FGF6: variants seen among roughly 807,000 people sequenced by gnomAD.
FGF6 encodes FGF-6.
A neutral mutation model predicts 18.4 loss-of-function variants in FGF6; 14 were observed. The observed-to-expected ratio is 0.76, with a 90% CI of 0.50 to 1.19. The LOEUF is 1.19. FGF6 is among the 50% of genes most tolerant of loss of function. FGF6 has a pLI of 0.00. For synonymous variants in FGF6, 125 were observed against 116.7 expected (o/e 1.07, Z -0.46); for missense variants, 266 against 271.6 (o/e 0.98, Z 0.15).
Position 4,445,265 on chromosome 12 carries a change from G to A in FGF6, c.306C>T (p.Pro102=), listed in dbSNP as rs765855786. The A allele has an allele frequency of 6.2e-6, 10 of 1,613,608 alleles. No individual in the cohort carries two copies. The highest frequency in any genetic ancestry group is 2.7e-5 in the African/African-American group (2 of 74,906). The change falls in exon 1 of 3, where the codon CCC becomes CCT. Residue 102 remains proline, a synonymous_variant. Transcript: ENST00000228837. The surrounding 1 kb of genome is among the most constrained non-coding windows in gnomAD (Gnocchi z 5.5). ...CGTGGGTCCCGCTGATCCGGCCGTCGGGGAGCACCTGGAGGTGAAAGCCGA... is the reference window on the plus strand; with the variant it reads ...CGTGGGTCCCGCTGATCCGGCCGTCAGGGAGCACCTGGAGGTGAAAGCCGA... ...VGIGFHLQVL[P]DGRISGTHEE...
intron 2 of FGF6, among the ~76,000 whole-genome samples, chr12:4,443,149 G>T (rs1865712129): frequency 6.6e-6 from 1 of 152,176 alleles, no homozygotes; most frequent in African/African-American, 2.4e-5. Flanking sequence ...AGGCCACCTG[G>T]TGAACCCGTT....
intron 2 of FGF6, among the ~76,000 whole-genome samples, chr12:4,440,657 T>C (rs1004131225): frequency 3.9e-5 from 6 of 152,244 alleles, no homozygotes; most frequent in Non-Finnish European, 8.8e-5. Context: ...AGTGTTTTCA[T>C]CAGGTGTTTC....
Position 4,444,120 on chromosome 12 carries a change from CT to C in FGF6, c.450+12del. On this transcript the variant is annotated intron_variant, in intron 2 of 2. Transcript: ENST00000228837. Reference sequence around the variant, plus strand: ...CTTGTAAACCTGGCACTTCCCCGGCCTGGTGAACTCACCGTTGCGTACAATC... The same window carrying C: ...CTTGTAAACCTGGCACTTCCCCGGCCGGTGAACTCACCGTTGCGTACAATC... 1.3e-6 allele frequency: 2 copies of C among 1,575,324 alleles called. No individual in the cohort carries two copies. The highest frequency in any genetic ancestry group is 2.7e-5 in the African/African-American group (2 of 74,020).
In FGF6 at chr12:4,440,366, C is replaced by T. The variant is rs566496090; in HGVS notation, c.450+3767G>A. Among the ~76,000 whole-genome samples, 23 of 152,308 alleles carry T rather than the reference C, an allele frequency of 1.5e-4. No homozygotes were observed. In the South Asian group the frequency reaches 2.9e-3, roughly 19 times the overall value. On this transcript the variant is annotated intron_variant, in intron 2 of 2. Coordinates refer to ENST00000228837, the MANE Select transcript of FGF6 (RefSeq NM_020996.3). ...TTTAGAGCTAAGTCACTTGGACCAA[C>T]GAGGATCTAATCCTGCTTTTAAACA...
chr12:4,444,217 A>G lies in FGF6; in HGVS notation c.366T>C (p.Thr122=), dbSNP rs2241279. 0.41 allele frequency: 664,742 copies of G among 1,609,392 alleles called. 140,428 individuals carry two copies. The highest frequency in any genetic ancestry group is 0.59 in the African/African-American group (44,032 of 74,822). Residue 122 remains threonine (T), a synonymous_variant, in exon 2 of 3, where the codon ACT becomes ACC. Coordinates refer to ENST00000228837, the MANE Select transcript of FGF6 (RefSeq NM_020996.3). ...ENPYSLLEIS[T]VERGVVSLFG... ...AGAGACTCACCACGCCTCGCTCCAC[A>G]GTGGAAATTTCCAGCAGGCCTGACA...
chr12:4,439,802 A>G (rs903556243), intron 2 of FGF6, among the ~76,000 whole-genome samples: 2 of 152,138 alleles, frequency 1.3e-5, no homozygotes, highest in African/African-American at 4.8e-5. Context: ...CAACTAGTAG[A>G]GGAAGCTTGT....
intron 2 of FGF6, among the ~76,000 whole-genome samples, chr12:4,436,022 G>A (rs978291620): frequency 6.6e-6 from 1 of 151,746 alleles, no homozygotes; most frequent in African/African-American, 2.4e-5. Context: ...TCTTGCTTGA[G>A]TATAAAAAAA....
At chr12:4,441,075 C>T (rs1399233030) in intron 2 of FGF6, among the ~76,000 whole-genome samples, 3 of 152,214 alleles carry the variant, frequency 2.0e-5, no homozygotes, top group African/African-American at 4.8e-5. Flanking sequence ...CTTGAAAGCA[C>T]GACCGAATTG....
rs750341341 is a variant in FGF6, at chr12:4,445,188, C to T, written c.346+37G>A. The T allele has an allele frequency of 4.5e-6, 7 of 1,549,864 alleles. No homozygotes were observed. Among genetic ancestry groups the T allele is most frequent in the South Asian group, 1.2e-5 (1 of 85,826 alleles). The stretch of plus-strand genomic sequence containing the variant: ...CCTTTTAGCCCTGCATGAGCCCAAA[C>T]CCCCAAGCGTCCCGACTGGCTGCAG... On this transcript the variant is annotated intron_variant, in intron 1 of 2. Coordinates refer to ENST00000228837, the MANE Select transcript of FGF6 (RefSeq NM_020996.3). The surrounding 1 kb of genome is among the most constrained non-coding windows in gnomAD (Gnocchi z 5.5).
chr12:4,445,633 T>G lies in FGF6; in HGVS notation c.-63A>C. On this transcript the variant is annotated 5_prime_UTR_variant, in exon 1 of 3. Transcript: ENST00000228837. This position sits in a 1 kb window ranked among gnomAD's most constrained non-coding sequence, Gnocchi z 5.5. ...CCCTAAAAATACCGCCCTTCTTGTT[T>G]TTCTCCCTCCGGCATGGCGGCAGGG... is the stretch of plus-strand genomic sequence containing the variant. The G allele has an allele frequency of 7.4e-7, 1 of 1,350,814 alleles. No homozygotes were observed. The highest frequency in any genetic ancestry group is 1.4e-5 in the South Asian group (1 of 70,332). The allele number at this position is 1,350,814 out of a possible 1,614,324, so 83.7% of individuals were successfully genotyped here. A position where few individuals can be genotyped will look rare whatever the true frequency, so the allele number is the denominator to read the frequency against.
chr12:4,443,556 G>GATGGGA (rs1865716940), intron 2 of FGF6, among the ~76,000 whole-genome samples: 1 of 152,092 alleles, frequency 6.6e-6, no homozygotes, highest in Non-Finnish European at 1.5e-5. Flanking sequence ...TGGGGGTGGG[G>GATGGGA]ATGGGAATGG....
intron 2 of FGF6, among the ~76,000 whole-genome samples, chr12:4,439,664 T>G (rs1865666605): frequency 6.6e-6 from 1 of 152,214 alleles, no homozygotes. Context: ...ACACACTTTT[T>G]TTTTTTCTGT....
At chr12:4,434,504 T>C (rs17177381) in intron 2 of FGF6, 113 bp from the exon 3 acceptor site, 15 of 958,698 alleles carry the variant, frequency 1.6e-5, no homozygotes, top group Non-Finnish European at 2.3e-5. Context: ...CCCTTCTCTT[T>C]GTGAGACAAC....
intron 2 of FGF6, among the ~76,000 whole-genome samples, chr12:4,441,773 AG>A (rs1443011402): frequency 2.0e-5 from 3 of 152,134 alleles, no homozygotes; most frequent in Non-Finnish European, 4.4e-5. Flanking sequence ...GGGGCTTAAA[AG>A]GAAATAGTGT....
chr12:4,441,830 A>C (rs1865694228), intron 2 of FGF6, among the ~76,000 whole-genome samples: 1 of 152,020 alleles, frequency 6.6e-6, no homozygotes, highest in Non-Finnish European at 1.5e-5. Flanking sequence ...TCCGGGGATC[A>C]GTTGGCAATT....
chr12:4,445,655 A>C lies in FGF6; in HGVS notation c.-85T>G. On this transcript the variant is annotated 5_prime_UTR_variant, in exon 1 of 3. Coordinates refer to ENST00000228837, the MANE Select transcript of FGF6 (RefSeq NM_020996.3). The surrounding 1 kb of genome is among the most constrained non-coding windows in gnomAD (Gnocchi z 5.5). ...GTTTTTCTCCCTCCGGCATGGCGGC[A>C]GGGGCTTATTTTTGGAAGGCAGATG... The C allele has an allele frequency of 8.7e-7, 1 of 1,154,148 alleles. No homozygotes were observed. Among genetic ancestry groups the C allele is most frequent in the Non-Finnish European group, 1.2e-6 (1 of 837,712 alleles). 71.5% of individuals were successfully genotyped at this position (1,154,148 alleles called of 1,614,324 possible).
Position 4,445,162 on chromosome 12 carries a change from A to C in FGF6, c.346+63T>G. The C allele has an allele frequency of 2.2e-6, 3 of 1,378,914 alleles. No homozygotes were observed. Among genetic ancestry groups the C allele is most frequent in the Non-Finnish European group, 3.0e-6 (3 of 1,004,004 alleles). 85.4% of individuals were successfully genotyped at this position (1,378,914 alleles called of 1,614,324 possible). On this transcript the variant is annotated intron_variant, in intron 1 of 2. Transcript: ENST00000228837. The surrounding 1 kb of genome is among the most constrained non-coding windows in gnomAD (Gnocchi z 5.5). ...CTGTCCGCTAGAGCAGGGCCCCTTC[A>C]CCTTTTAGCCCTGCATGAGCCCAAA...
chr12:4,441,221 C>T (rs1342724889), intron 2 of FGF6, among the ~76,000 whole-genome samples: 1 of 152,172 alleles, frequency 6.6e-6, no homozygotes, highest in African/African-American at 2.4e-5. Context: ...TGATTTCTGC[C>T]TCATCCTCAG....
intron 2 of FGF6, among the ~76,000 whole-genome samples, chr12:4,435,354 T>A (rs983953312): frequency 2.0e-5 from 3 of 152,092 alleles, no homozygotes; most frequent in Non-Finnish European, 2.9e-5. Context: ...TGTTGTGAAC[T>A]TTGCATGTGA....
Sources: gnomAD v4.1 joint callset for allele counts (sites outside exome capture counted in the v4.1 genomes callset) on GRCh38, gnomAD v4.1.1 for gene constraint, Gnocchi (gnomAD v3.1) non-coding constraint, MANE v1.5 for transcripts, NCBI Gene and HGNC (gene_info 2026-07-23, HGNC 2026-07-21) for gene names.